RNF150: variants seen among roughly 807,000 people sequenced by gnomAD.
RNF150 encodes ring finger protein 150.
In RNF150, 24 loss-of-function variants were observed where a neutral mutation model predicts 39.3. That is an observed-to-expected ratio of 0.61 (90% CI 0.44 to 0.86). The LOEUF (loss-of-function observed/expected upper bound fraction) is 0.86, where lower values mean the gene tolerates loss of function less well. Ranked by LOEUF, RNF150 falls within the 40% of genes least tolerant of loss-of-function variation. The pLI is 0.00. For missense variants in RNF150, 502 were observed against 587.8 expected (o/e 0.85, Z 1.51); for synonymous variants, 255 against 227.3 (o/e 1.12, Z -1.10).
intron 1 of RNF150, among the ~76,000 whole-genome samples, chr4:141,186,411 T>A (rs968689265): frequency 6.6e-6 from 1 of 152,096 alleles, no homozygotes; most frequent in Non-Finnish European, 1.5e-5. Flanking sequence ...TTTAGTCTTG[T>A]TTTTTTGAGA....
At chr4:141,135,523 G>A (rs1265059792), upstream of RNF150, among the ~76,000 whole-genome samples, 1 of 152,182 alleles carries the variant, frequency 6.6e-6, no homozygotes, top group African/African-American at 2.4e-5. Flanking sequence ...AATGATCCTA[G>A]TAACTGATTA....
chr4:141,192,229 T>C (rs188587593), intron 1 of RNF150, among the ~76,000 whole-genome samples: 3 of 152,290 alleles, frequency 2.0e-5, no homozygotes, highest in East Asian at 1.9e-4. Context: ...TCTCCATTCC[T>C]AAGGTAATAA....
intron 1 of RNF150, among the ~76,000 whole-genome samples, chr4:141,175,467 G>A (rs996189767): frequency 6.6e-6 from 1 of 152,174 alleles, no homozygotes; most frequent in Non-Finnish European, 1.5e-5. Context: ...AACTGAAGCA[G>A]GGTGATAGAG....
chr4:141,085,627 T>C (rs991706343), intron 1 of RNF150, among the ~76,000 whole-genome samples: 8 of 152,204 alleles, frequency 5.3e-5, no homozygotes, highest in African/African-American at 1.4e-4. Context: ...CTCCCCACTA[T>C]GCTCTGTCCA....
intron 1 of RNF150, among the ~76,000 whole-genome samples, chr4:141,105,800 T>A (rs1739175804): frequency 6.6e-6 from 1 of 152,204 alleles, no homozygotes; most frequent in Non-Finnish European, 1.5e-5. Context: ...TTCCAAAATC[T>A]CCAGACTATT....
chr4:141,165,868 C>T (rs192510785), intron 1 of RNF150, among the ~76,000 whole-genome samples: 1,789 of 151,992 alleles, frequency 0.012, 18 homozygotes, highest in Middle Eastern at 0.027. Context: ...AATTGACACC[C>T]TAACATCACA....
intron 1 of RNF150, among the ~76,000 whole-genome samples, chr4:141,033,498 C>A (rs1319834756): frequency 6.6e-6 from 1 of 152,164 alleles, no homozygotes; most frequent in Non-Finnish European, 1.5e-5. Flanking sequence ...GATATTTTAA[C>A]CTCCCCCCAT....
At position 140,868,454 on chromosome 4, in the gene RNF150, T is replaced by C. The variant is rs1728801893; in HGVS notation, c.1199-75A>G. The C allele has an allele frequency of 3.2e-5, 27 of 833,064 alleles. No homozygotes were observed. In the Admixed American group the frequency reaches 4.9e-4, roughly 15 times the overall value. 51.6% of individuals were successfully genotyped at this position (833,064 alleles called of 1,614,324 possible). A position where few individuals can be genotyped will look rare whatever the true frequency, so the allele number is the denominator to read the frequency against. On this transcript the variant is annotated intron_variant, in intron 6 of 6. Coordinates refer to ENST00000515673, the MANE Select transcript of RNF150 (RefSeq NM_020724.2). ...ATGCTGCTTATTTCAGTACAATTGCTTGTAATAACATTTCTTTAAAGGCCA... is the reference window on the plus strand; with the variant it reads ...ATGCTGCTTATTTCAGTACAATTGCCTGTAATAACATTTCTTTAAAGGCCA...
At chr4:141,020,826 G>A (rs2110784555) in intron 1 of RNF150, among the ~76,000 whole-genome samples, 1 of 152,256 alleles carries the variant, frequency 6.6e-6, no homozygotes, top group East Asian at 1.9e-4. Context: ...TCCACAGAGG[G>A]TTGAGGATGA....
At chr4:140,964,085 T>C (rs915369276) in intron 2 of RNF150, among the ~76,000 whole-genome samples, 1 of 152,066 alleles carries the variant, frequency 6.6e-6, no homozygotes, top group Non-Finnish European at 1.5e-5. Flanking sequence ...TGAAATGAGA[T>C]AACAGAAAAA....
intron 6 of RNF150, among the ~76,000 whole-genome samples, chr4:140,896,843 T>A (rs1480030103): frequency 6.6e-6 from 1 of 151,944 alleles, no homozygotes; most frequent in African/African-American, 2.4e-5. Flanking sequence ...CGTGTGTAGG[T>A]CACACATCAG....
intron 1 of RNF150, among the ~76,000 whole-genome samples, chr4:140,984,518 A>G (rs1300950087): frequency 1.3e-5 from 2 of 152,136 alleles, no homozygotes; most frequent in East Asian, 1.9e-4. Context: ...ATTCTGAAAA[A>G]GCTACAAAGG....
At chr4:141,019,548 G>C (rs375118014) in intron 1 of RNF150, among the ~76,000 whole-genome samples, 74 of 152,152 alleles carry the variant, frequency 4.9e-4, no homozygotes, top group African/African-American at 1.8e-3. Context: ...AGAAGTATGT[G>C]CTAAACTTTC....
intron 1 of RNF150, among the ~76,000 whole-genome samples, chr4:141,195,131 T>C (rs1728181138): frequency 7.4e-6 from 1 of 134,428 alleles, no homozygotes; most frequent in Admixed American, 7.4e-5. Context: ...CACACACCTG[T>C]GCACAAGCAT....
chr4:141,004,935 G>A (rs976311545), intron 1 of RNF150, among the ~76,000 whole-genome samples: 1 of 152,176 alleles, frequency 6.6e-6, no homozygotes, highest in Admixed American at 6.5e-5. Context: ...GTTCAATTAA[G>A]AGATTCTTGT....
chr4:141,086,895 C>G (rs1386040038), intron 1 of RNF150, among the ~76,000 whole-genome samples: 1 of 151,994 alleles, frequency 6.6e-6, no homozygotes, highest in Non-Finnish European at 1.5e-5. Flanking sequence ...TTTTCTTTCT[C>G]TCTTCTCTGT....
chr4:141,189,384 C>A (rs1026183526), intron 1 of RNF150, among the ~76,000 whole-genome samples: 1 of 152,284 alleles, frequency 6.6e-6, no homozygotes, highest in East Asian at 1.9e-4. Flanking sequence ...CACAGGGACC[C>A]ACTTGAGGAG....
chr4:141,063,992 A>C (rs1190603521), intron 1 of RNF150, among the ~76,000 whole-genome samples: 2 of 17,542 alleles, frequency 1.1e-4, no homozygotes, highest in Non-Finnish European at 7.6e-4. Flanking sequence ...AAAGTTCTAC[A>C]AAAAAAAAAA....
chr4:141,168,744 G>A (rs10010965), intron 1 of RNF150, among the ~76,000 whole-genome samples: 5,572 of 152,070 alleles, frequency 0.037, 344 homozygotes, highest in African/African-American at 0.12. Context: ...AGTCGAACAA[G>A]GAGAACACAT....
Sources: gnomAD v4.1 joint callset for allele counts (sites outside exome capture counted in the v4.1 genomes callset) on GRCh38, gnomAD v4.1.1 for gene constraint, MANE v1.5 for transcripts, NCBI Gene and HGNC (gene_info 2026-07-23, HGNC 2026-07-21) for gene names.